The following BCAR3 variants were observed in gnomAD, a reference collection of about 807,000 sequenced individuals.
BCAR3 encodes the protein BCAR3 adaptor protein, NSP family member, also known as breast cancer anti-estrogen resistance protein 3.
A neutral mutation model predicts 80.1 loss-of-function variants in BCAR3; 37 were observed. The ratio of observed to expected loss-of-function variants is 0.46; its 90% CI spans 0.36 to 0.61. BCAR3 has a LOEUF of 0.61. BCAR3 is among the 20% of genes least tolerant of loss of function. BCAR3 has a pLI of 0.00. For missense variants in BCAR3, 978 were observed against 1,068.2 expected (o/e 0.92, Z 1.18); for synonymous variants, 389 against 418.9 (o/e 0.93, Z 0.87).
At chr1:93,612,755 C>T (rs1200388824) in intron 3 of BCAR3, among the ~76,000 whole-genome samples, 1 of 152,110 alleles carries the variant, frequency 6.6e-6, no homozygotes, top group Admixed American at 6.5e-5. Context: ...CACTGGGCTC[C>T]AGGACAGAAA....
At chr1:93,847,008 G>GGTCCAGGCCGCCGGCT (rs1164202464) in intron 1 of BCAR3, 3 of 16,700 alleles carry the variant, frequency 1.8e-4, no homozygotes, top group African/African-American at 7.1e-3. Context: ...AGCCGCGGCT[G>GGTCCAGGCCGCCGGCT]GGTCGGGCGC....
At chr1:93,581,534 C>T (rs1379092178) in intron 7 of BCAR3, among the ~76,000 whole-genome samples, 1 of 152,092 alleles carries the variant, frequency 6.6e-6, no homozygotes, top group Non-Finnish European at 1.5e-5. Flanking sequence ...CCTCAGCTTC[C>T]AGAGTAGCTG....
Position 93,642,399 on chromosome 1 carries a change from G to A in BCAR3, c.318-56C>T, listed in dbSNP as rs192533876. The A allele has an allele frequency of 6.7e-5, 100 of 1,483,264 alleles. No homozygotes were observed. The East Asian group carries it at 2.2e-3, about 33-fold the overall frequency. 91.9% of individuals were successfully genotyped at this position (1,483,264 alleles called of 1,614,324 possible). A position where few individuals can be genotyped will look rare whatever the true frequency, so the allele number is the denominator to read the frequency against. ...GTTGGGAACGATGCATTCTTACATTGAGTATAATGTGTCCAACATTATTTC... is the reference window on the plus strand; with the variant it reads ...GTTGGGAACGATGCATTCTTACATTAAGTATAATGTGTCCAACATTATTTC... On this transcript the variant is annotated intron_variant, in intron 2 of 11. Transcript: ENST00000260502.
intron 7 of BCAR3, among the ~76,000 whole-genome samples, chr1:93,579,922 G>A (rs74101616): frequency 0.027 from 4,152 of 152,292 alleles, 193 homozygotes; most frequent in African/African-American, 0.095. Context: ...GGTTAAGCTC[G>A]CTTTAAAGTG....
chr1:93,625,424 T>C (rs530854059), intron 3 of BCAR3, among the ~76,000 whole-genome samples: 1 of 152,180 alleles, frequency 6.6e-6, no homozygotes, highest in African/African-American at 2.4e-5. Context: ...TGAACCAGGA[T>C]GGATTCAGCT....
chr1:93,827,906 T>G (rs1170361741), intron 2 of BCAR3, among the ~76,000 whole-genome samples: 2 of 152,174 alleles, frequency 1.3e-5, no homozygotes, highest in African/African-American at 4.8e-5. Flanking sequence ...GCAGCCCCAG[T>G]AGCAAGTTCT....
chr1:93,805,531 G>A (rs1400560808), intron 2 of BCAR3, among the ~76,000 whole-genome samples: 1 of 152,208 alleles, frequency 6.6e-6, no homozygotes, highest in African/African-American at 2.4e-5. Context: ...GAGAACTAGG[G>A]CAGCCAACAT....
chr1:93,638,100 T>A (rs1440656902), intron 3 of BCAR3, among the ~76,000 whole-genome samples: 3 of 152,148 alleles, frequency 2.0e-5, no homozygotes, highest in African/African-American at 4.8e-5. Context: ...ATACAAAAAA[T>A]TAGCCAGCTG....
At chr1:93,565,589 C>T (rs557635744) in intron 11 of BCAR3, among the ~76,000 whole-genome samples, 1 of 152,314 alleles carries the variant, frequency 6.6e-6, no homozygotes, top group East Asian at 1.9e-4. Context: ...TCTCAAAACC[C>T]ACCCTGATGT....
At chr1:93,810,258 C>CA (rs1653787969) in intron 2 of BCAR3, among the ~76,000 whole-genome samples, 1 of 151,180 alleles carries the variant, frequency 6.6e-6, no homozygotes, top group African/African-American at 2.4e-5. Flanking sequence ...CAGATTATTT[C>CA]ACTTTCTTCT....
At chr1:93,654,220 T>C (rs1045521760) in intron 2 of BCAR3, among the ~76,000 whole-genome samples, 5 of 152,042 alleles carry the variant, frequency 3.3e-5, no homozygotes, top group Non-Finnish European at 1.5e-5. Flanking sequence ...ATTTTGTAGA[T>C]GGAATTAAGG....
chr1:93,648,735 G>A (rs1273585277), intron 2 of BCAR3: 1 of 152,248 alleles, frequency 6.6e-6, no homozygotes, highest in African/African-American at 2.4e-5. Context: ...TACCTGAGGA[G>A]CCTCATTTTC....
intron 2 of BCAR3, among the ~76,000 whole-genome samples, chr1:93,649,949 A>G (rs899960862): frequency 5.3e-5 from 8 of 151,870 alleles, no homozygotes; most frequent in Non-Finnish European, 7.4e-5. Context: ...GGTCCTTATA[A>G]GTGGACAGAA....
rs568253738 is a variant in BCAR3, at chr1:93,585,190, G to A, written c.930-1069C>T. The A allele has an allele frequency of 2.4e-4, 240 of 985,476 alleles. 1 individual carries two copies. In the African/African-American group the frequency reaches 3.0e-3, roughly 12 times the overall value. The allele number at this position is 985,476 out of a possible 1,614,324, so 61.0% of individuals were successfully genotyped here. A position where few individuals can be genotyped will look rare whatever the true frequency, so the allele number is the denominator to read the frequency against. ...AACCTGCCTGTGAGCACACACCTTCGCCCAGGGCAGGCCACCAGCCAGCCA... is the reference window on the plus strand; with the variant it reads ...AACCTGCCTGTGAGCACACACCTTCACCCAGGGCAGGCCACCAGCCAGCCA... On this transcript the variant is annotated intron_variant, in intron 5 of 11. Transcript: ENST00000260502.
At chr1:93,700,273 GCCT>G (rs1649591936) in intron 3 of BCAR3, among the ~76,000 whole-genome samples, 1 of 152,070 alleles carries the variant, frequency 6.6e-6, no homozygotes, top group South Asian at 2.1e-4. Context: ...GCTCACTGCA[GCCT>G]CCTCCTCCTG....
intron 2 of BCAR3, among the ~76,000 whole-genome samples, chr1:93,837,698 T>A (rs867894718): frequency 1.3e-5 from 2 of 152,204 alleles, no homozygotes. Context: ...AAGTAAGCCA[T>A]ATCAGGTTGG....
intron 3 of BCAR3, among the ~76,000 whole-genome samples, chr1:93,688,262 G>A (rs955470): frequency 0.3 from 45,616 of 152,096 alleles, 10,444 homozygotes; most frequent in African/African-American, 0.65. Flanking sequence ...ACAGAGTGAA[G>A]AAAAGATGAA....
chr1:93,735,889 A>G (rs1425460413), intron 2 of BCAR3, among the ~76,000 whole-genome samples: 6 of 152,348 alleles, frequency 3.9e-5, no homozygotes, highest in African/African-American at 1.4e-4. Context: ...CTGCAGGCAG[A>G]GCAGAGAAAG....
chr1:93,687,054 G>A (rs74101670), intron 3 of BCAR3, among the ~76,000 whole-genome samples: 2,121 of 152,248 alleles, frequency 0.014, 47 homozygotes, highest in African/African-American at 0.047. Flanking sequence ...TTGAATACCT[G>A]TTGCTCTATA....
Sources: allele counts gnomAD v4.1 joint callset (sites outside exome capture counted in the v4.1 genomes callset), GRCh38; gene constraint gnomAD v4.1.1; transcripts MANE v1.5; gene names NCBI Gene and HGNC (gene_info 2026-07-23, HGNC 2026-07-21).